Variants in PER2 observed in about 807,000 individuals in gnomAD.
PER2 encodes period circadian protein homolog 2.
Under a neutral mutation model 121.0 loss-of-function variants are expected in PER2, and 66 were observed. The observed-to-expected ratio is 0.55, with a 90% CI of 0.45 to 0.67. The LOEUF is 0.67. PER2 is among the 30% of genes least tolerant of loss of function. The pLI, the probability that PER2 is intolerant of heterozygous loss-of-function variation, is 0.00. For missense variants in PER2, 1,521 were observed against 1,635.0 expected (o/e 0.93, Z 1.20); for synonymous variants, 684 against 659.9 (o/e 1.04, Z -0.56).
the PER2 span, among the ~76,000 whole-genome samples, chr2:238,296,832 T>C: frequency 6.6e-6 from 1 of 152,216 alleles, no homozygotes; most frequent in East Asian, 1.9e-4. Context: ...CCACCAAGGC[T>C]GCAGCCACCG....
intron 21 of PER2, among the ~76,000 whole-genome samples, chr2:238,250,053 G>A (rs888088684): frequency 2.0e-5 from 3 of 152,248 alleles, no homozygotes; most frequent in Non-Finnish European, 2.9e-5. Context: ...GTGCTCCGCA[G>A]GGGAAGGGAC....
At chr2:238,292,246 G>A (rs1288102264), upstream of PER2, among the ~76,000 whole-genome samples, 1 of 152,222 alleles carries the variant, frequency 6.6e-6, no homozygotes, top group African/African-American at 2.4e-5. Context: ...TATAGATCCA[G>A]GGAGGCTGTT....
rs1385158730 is a variant in PER2, at chr2:238,251,448, G to GTGTC, written c.3274+147_3274+150dup. 7.6e-5 allele frequency: 55 copies of GTGTC among 725,444 alleles called. No individual in the cohort carries two copies. The Middle Eastern group carries it at 1.5e-3, about 19-fold the overall frequency. The allele number at this position is 725,444 out of a possible 1,614,324, so 44.9% of individuals were successfully genotyped here. On this transcript the variant is annotated intron_variant, in intron 20 of 22. Coordinates refer to ENST00000254657, the MANE Select transcript of PER2 (RefSeq NM_022817.3). Reference sequence around the variant, plus strand: ...GCCAGCCATGCTGAACAGGGAGAGTGTGTCTGTGTGGGTGTCTGCATGGGC... The same window carrying GTGTC: ...GCCAGCCATGCTGAACAGGGAGAGTGTGTCTGTCTGTGTGGGTGTCTGCATGGGC...
At chr2:238,280,930 A>G (rs913628706) in intron 1 of PER2, among the ~76,000 whole-genome samples, 4 of 152,090 alleles carry the variant, frequency 2.6e-5, no homozygotes, top group African/African-American at 4.8e-5. Context: ...AGTTACCCAT[A>G]AAGGATGAAA....
rs755336087 is a variant in PER2 at position 238,250,725 on chromosome 2, T to C, written c.3293A>G (p.His1098Arg). The C allele has an allele frequency of 1.9e-6, 3 of 1,613,752 alleles. No homozygotes were observed. Among genetic ancestry groups the C allele is most frequent in the Non-Finnish European group, 2.5e-6 (3 of 1,179,588 alleles). ...PSGAGSSDTS[H>R]TSKYFGSIDS... ...AATGCTTCCAAAATATTTGCTGGTA[T>C]GACTTGTGTCACTACTGCCTTTAAA... The change falls in exon 21 of 23, where the codon CAT becomes CGT. Residue 1098 changes from histidine to arginine, a missense_variant. Coordinates refer to ENST00000254657, the MANE Select transcript of PER2 (RefSeq NM_022817.3).
chr2:238,255,484 C>G (rs530994431), intron 18 of PER2, 173 bp downstream of exon 18: 27 of 720,256 alleles, frequency 3.7e-5, no homozygotes, highest in African/African-American at 3.1e-4. Flanking sequence ...GAGCACCCCC[C>G]CGGTGGGAAG....
chr2:238,256,489 T>C (rs987016860), intron 17 of PER2, among the ~76,000 whole-genome samples: 3 of 152,236 alleles, frequency 2.0e-5, no homozygotes, highest in Non-Finnish European at 4.4e-5. Context: ...ATGCGCTCAT[T>C]GTAAATCTGT....
chr2:238,281,933 A>G (rs112578532), intron 1 of PER2, among the ~76,000 whole-genome samples: 21 of 152,344 alleles, frequency 1.4e-4, no homozygotes, highest in African/African-American at 5.1e-4. Context: ...AACCATCAAC[A>G]GGGAGGCTAC....
At chr2:238,297,091 G>C in the PER2 span, among the ~76,000 whole-genome samples, 1 of 152,204 alleles carries the variant, frequency 6.6e-6, no homozygotes. Context: ...ACTTGAGACA[G>C]GAACGAGGAG....
chr2:238,272,789 G>A (rs1362151901), intron 5 of PER2, among the ~76,000 whole-genome samples: 1 of 152,166 alleles, frequency 6.6e-6, no homozygotes, highest in African/African-American at 2.4e-5. Flanking sequence ...AAAACCCAGA[G>A]CCCCCCAGTT....
intron 4 of PER2, among the ~76,000 whole-genome samples, chr2:238,274,586 C>T (rs1696393329): frequency 1.3e-5 from 2 of 152,234 alleles, no homozygotes; most frequent in Admixed American, 1.3e-4. Flanking sequence ...AGGGAAACAC[C>T]TTAAATGGAC....
Position 238,258,528 on chromosome 2 carries a change from G to A in PER2, c.1744C>T (p.Gln582Ter), listed in dbSNP as rs766562134. Residue 582 changes from glutamine to a stop codon, truncating the protein, a stop_gained, in exon 15 of 23, where the codon CAG becomes TAG. Transcript: ENST00000254657. LOFTEE classifies it high-confidence loss of function. Reference protein sequence around the residue: ...ACKNQPTCSYQQISCLDSVIR... With the variant: ...ACKNQPTCSY ...ACGCTGTCCAAGCAGCTGATCTGCTGGTAGGAGCAGGTGGGCTGGTTCTTG... is the reference window on the plus strand; with the variant it reads ...ACGCTGTCCAAGCAGCTGATCTGCTAGTAGGAGCAGGTGGGCTGGTTCTTG... 1 of 1,614,208 alleles carries A rather than the reference G, an allele frequency of 6.2e-7. No individual in the cohort carries two copies. Among genetic ancestry groups the A allele is most frequent in the Non-Finnish European group, 8.5e-7 (1 of 1,180,028 alleles).
chr2:238,290,389 T>C (rs1696929459), upstream of PER2, among the ~76,000 whole-genome samples: 1 of 151,968 alleles, frequency 6.6e-6, no homozygotes. Flanking sequence ...TTCCCTCCCA[T>C]TGACGTCAAT....
chr2:238,276,322 G>C (rs907559897), intron 3 of PER2, among the ~76,000 whole-genome samples: 2 of 152,234 alleles, frequency 1.3e-5, no homozygotes, highest in Non-Finnish European at 2.9e-5. Context: ...GATGTTTCTC[G>C]CTGGGAGACA....
chr2:238,296,873 T>C, the PER2 span, among the ~76,000 whole-genome samples: 1 of 152,172 alleles, frequency 6.6e-6, no homozygotes, highest in African/African-American at 2.4e-5. Context: ...ACGTGGTTGA[T>C]GAGAACGCAG....
At position 238,250,538 on chromosome 2, in the gene PER2, G is replaced by A. The variant is rs188618077; in HGVS notation, c.3467+13C>T. 588 of 1,602,084 alleles carry A rather than the reference G, an allele frequency of 3.7e-4. 1 individual carries two copies. In the African/African-American group the frequency reaches 7.3e-3, roughly 20 times the overall value. On this transcript the variant is annotated intron_variant, in intron 21 of 22. Coordinates refer to ENST00000254657, the MANE Select transcript of PER2 (RefSeq NM_022817.3). ...TCCCTCCCCAGGTGCCTAGGAAAACGCTGGGTGGTTACCGGGAAGGCAGCT... is the reference window on the plus strand; with the variant it reads ...TCCCTCCCCAGGTGCCTAGGAAAACACTGGGTGGTTACCGGGAAGGCAGCT...
chr2:238,288,279 G>A (rs1696849980), intron 1 of PER2, 70 bp downstream of exon 1: 1 of 152,280 alleles, frequency 6.6e-6, no homozygotes, highest in African/African-American at 2.4e-5. Flanking sequence ...TCCCAAAAGA[G>A]AATCGCCCAC....
chr2:238,252,767 G>GCA lies in PER2; in HGVS notation c.3111+143_3111+144dup, dbSNP rs1254940952. On this transcript the variant is annotated intron_variant, in intron 19 of 22. Coordinates refer to ENST00000254657, the MANE Select transcript of PER2 (RefSeq NM_022817.3). The surrounding 1 kb of genome is among the most constrained non-coding windows in gnomAD (Gnocchi z 4.2). The stretch of plus-strand genomic sequence containing the variant: ...ATTAAGTGGGAAGCATGAATTTCTG[G>GCA]CACACACATTCATGGCAAAACCTAC... 1 of 781,788 alleles carries GCA rather than the reference G, an allele frequency of 1.3e-6. No homozygotes were observed. Among genetic ancestry groups the GCA allele is most frequent in the Non-Finnish European group, 2.3e-6 (1 of 437,084 alleles). The allele number at this position is 781,788 out of a possible 1,614,324, so 48.4% of individuals were successfully genotyped here.
chr2:238,285,877 G>A (rs1452134897), intron 1 of PER2, among the ~76,000 whole-genome samples: 1 of 136,238 alleles, frequency 7.3e-6, no homozygotes, highest in African/African-American at 2.5e-5. Flanking sequence ...ATTCTAACAT[G>A]TTTTCTACTT....
Sources: allele counts gnomAD v4.1 joint callset (sites outside exome capture counted in the v4.1 genomes callset), GRCh38; gene constraint gnomAD v4.1.1; non-coding constraint Gnocchi (gnomAD v3.1); transcripts MANE v1.5; gene names NCBI Gene and HGNC (gene_info 2026-07-23, HGNC 2026-07-21).